Variants in AGBL4 observed in about 807,000 individuals in gnomAD.
AGBL4 encodes AGBL carboxypeptidase 4.
Under a neutral mutation model 66.4 loss-of-function variants are expected in AGBL4, and 58 were observed. The observed-to-expected ratio is 0.87, with a 90% CI of 0.71 to 1.09. The LOEUF is 1.09. Ranked by LOEUF, AGBL4 falls within the 50% of genes least tolerant of loss-of-function variation. The pLI is 0.00. For missense variants in AGBL4, 579 were observed against 631.0 expected (o/e 0.92, Z 0.88); for synonymous variants, 234 against 222.9 (o/e 1.05, Z -0.44).
At chr1:49,647,954 A>T (rs1453501912) in intron 3 of AGBL4, among the ~76,000 whole-genome samples, 1 of 152,076 alleles carries the variant, frequency 6.6e-6, no homozygotes, top group Middle Eastern at 3.2e-3. Context: ...TATTTATAGG[A>T]TTTCCTTCTG....
intron 6 of AGBL4, among the ~76,000 whole-genome samples, chr1:48,746,906 AG>A (rs1650857014): frequency 6.6e-6 from 1 of 152,240 alleles, no homozygotes; most frequent in South Asian, 2.1e-4. Context: ...TTAGCATTAC[AG>A]GATCAGAAAG....
chr1:48,523,948 C>G, the AGBL4 span, among the ~76,000 whole-genome samples: 3 of 152,206 alleles, frequency 2.0e-5, no homozygotes, highest in African/African-American at 7.2e-5. Flanking sequence ...ACAATGCTTG[C>G]ATTTGTGTAT....
chr1:49,200,616 T>G (rs1647613957), intron 4 of AGBL4, among the ~76,000 whole-genome samples: 1 of 152,166 alleles, frequency 6.6e-6, no homozygotes, highest in Non-Finnish European at 1.5e-5. Flanking sequence ...TTAATTTGCT[T>G]CAGTGGCTCA....
At chr1:49,957,434 G>C (rs1011804465) in intron 1 of AGBL4, among the ~76,000 whole-genome samples, 19 of 151,804 alleles carry the variant, frequency 1.3e-4, no homozygotes, top group African/African-American at 2.7e-4. Flanking sequence ...CTGTCTCGTT[G>C]ATCTGTCTGT....
At chr1:48,712,233 G>T (rs112138441) in intron 6 of AGBL4, among the ~76,000 whole-genome samples, 384 of 152,250 alleles carry the variant, frequency 2.5e-3, no homozygotes, top group Non-Finnish European at 4.7e-3. Context: ...CCACAAACCT[G>T]TGTTGAGAAG....
intron 4 of AGBL4, among the ~76,000 whole-genome samples, chr1:49,181,511 A>G (rs917741669): frequency 2.0e-5 from 3 of 152,162 alleles, no homozygotes; most frequent in African/African-American, 7.2e-5. Context: ...AAATCCCAAT[A>G]TCTCTGTGAA....
intron 3 of AGBL4, among the ~76,000 whole-genome samples, chr1:49,663,641 T>C (rs964980121): frequency 6.6e-6 from 1 of 151,938 alleles, no homozygotes; most frequent in African/African-American, 2.4e-5. Context: ...GTACCATAAT[T>C]AACACATGTG....
In AGBL4 at chr1:49,163,577, T is replaced by G. The variant is rs1646578181; in HGVS notation, c.377+82193A>C. Among the ~76,000 whole-genome samples the G allele has an allele frequency of 2.0e-5, 3 of 152,236 alleles. No individual in the cohort carries two copies. In the South Asian group the frequency reaches 6.2e-4, roughly 32 times the overall value. ...CTCTCAATGCAAAAGGCTCCCCAGT[T>G]TTGTTCAAATTTTAAAGGCTGCAGC... On this transcript the variant is annotated intron_variant, in intron 4 of 13. Coordinates refer to ENST00000371839, the MANE Select transcript of AGBL4 (RefSeq NM_032785.4).
At chr1:49,268,780 C>T (rs1643987736) in intron 3 of AGBL4, among the ~76,000 whole-genome samples, 1 of 152,100 alleles carries the variant, frequency 6.6e-6, no homozygotes, top group African/African-American at 2.4e-5. Flanking sequence ...GGTGGCACAG[C>T]CTTTTCTTGA....
At chr1:49,589,004 G>T (rs1644704623) in intron 3 of AGBL4, among the ~76,000 whole-genome samples, 2 of 152,104 alleles carry the variant, frequency 1.3e-5, no homozygotes, top group Admixed American at 6.6e-5. Flanking sequence ...TTCTAGTTCT[G>T]CCTTCAATAA....
intron 2 of AGBL4, among the ~76,000 whole-genome samples, chr1:49,804,059 A>T (rs907320765): frequency 2.0e-5 from 3 of 152,134 alleles, no homozygotes; most frequent in African/African-American, 7.2e-5. Flanking sequence ...CCTGGTTGGA[A>T]TTTTTTTAAA....
chr1:48,623,176 C>T (rs940391955), intron 9 of AGBL4, among the ~76,000 whole-genome samples: 1 of 152,222 alleles, frequency 6.6e-6, no homozygotes, highest in African/African-American at 2.4e-5. Context: ...TGCCTGCACT[C>T]AGGAAATCTT....
chr1:48,723,486 C>T (rs1570355415), intron 6 of AGBL4, among the ~76,000 whole-genome samples: 1 of 152,162 alleles, frequency 6.6e-6, no homozygotes, highest in African/African-American at 2.4e-5. Context: ...GGATCAATCT[C>T]TTCAAAAGAA....
chr1:49,264,550 G>GTT (rs572605027), intron 3 of AGBL4, among the ~76,000 whole-genome samples: 11 of 145,770 alleles, frequency 7.5e-5, no homozygotes, highest in Non-Finnish European at 1.1e-4. Flanking sequence ...CCTCCCATAA[G>GTT]TTTTTTTTTT....
At chr1:48,594,250 G>A (rs940261643) in intron 9 of AGBL4, among the ~76,000 whole-genome samples, 9 of 152,260 alleles carry the variant, frequency 5.9e-5, no homozygotes, top group Non-Finnish European at 1.2e-4. Context: ...CTTGAACCCT[G>A]GGCGCAGATG....
chr1:49,693,381 C>T (rs566490269), intron 3 of AGBL4, among the ~76,000 whole-genome samples: 1 of 151,964 alleles, frequency 6.6e-6, no homozygotes, highest in South Asian at 2.1e-4. Flanking sequence ...ATCTTTATGA[C>T]CAAGAATAAA....
At chr1:48,953,612 A>G (rs567138771) in intron 5 of AGBL4, among the ~76,000 whole-genome samples, 1 of 152,242 alleles carries the variant, frequency 6.6e-6, no homozygotes, top group Non-Finnish European at 1.5e-5. Context: ...TTCCTAGCAC[A>G]GTGCCTGGGA....
chr1:49,473,386 G>A (rs1412980199), intron 3 of AGBL4, among the ~76,000 whole-genome samples: 1 of 151,996 alleles, frequency 6.6e-6, no homozygotes, highest in East Asian at 1.9e-4. Flanking sequence ...GTATCTGTTT[G>A]ATGATTAGTG....
At chr1:48,588,801 A>AGAAGAGAAGG (rs1644866312) in intron 10 of AGBL4, among the ~76,000 whole-genome samples, 1 of 80,896 alleles carries the variant, frequency 1.2e-5, no homozygotes, top group Non-Finnish European at 2.6e-5. Context: ...TGAGGATCAG[A>AGAAGAGAAGG]GAAGAGAAGA....
Sources: allele counts gnomAD v4.1 joint callset (sites outside exome capture counted in the v4.1 genomes callset), GRCh38; gene constraint gnomAD v4.1.1; transcripts MANE v1.5; gene names NCBI Gene and HGNC (gene_info 2026-07-23, HGNC 2026-07-21).